Variants in GDPD5 observed in about 807,000 individuals in gnomAD.
GDPD5 encodes glycerophosphodiester phosphodiesterase 2.
A neutral mutation model predicts 75.1 loss-of-function variants in GDPD5; 48 were observed. The observed-to-expected ratio is 0.64, with a 90% CI of 0.51 to 0.81. The LOEUF is 0.81. Ranked by LOEUF, GDPD5 falls within the 40% of genes least tolerant of loss-of-function variation. The pLI is 0.00. For synonymous variants in GDPD5, 336 were observed against 339.0 expected (o/e 0.99, Z 0.10); for missense variants, 706 against 822.6 (o/e 0.86, Z 1.73).
At chr11:75,475,771 C>T (rs1397717446) in intron 3 of GDPD5, among the ~76,000 whole-genome samples, 1 of 152,168 alleles carries the variant, frequency 6.6e-6, no homozygotes, top group Non-Finnish European at 1.5e-5. Flanking sequence ...AAGCCCTATA[C>T]CCTCTCCTAG....
chr11:75,472,106 G>A (rs1196071899), intron 3 of GDPD5, among the ~76,000 whole-genome samples: 1 of 152,154 alleles, frequency 6.6e-6, no homozygotes, highest in Non-Finnish European at 1.5e-5. Flanking sequence ...GTACAAGACA[G>A]GAGGCACATT....
intron 5 of GDPD5, among the ~76,000 whole-genome samples, chr11:75,457,339 C>T (rs780867350): frequency 3.9e-5 from 6 of 152,154 alleles, no homozygotes; most frequent in Admixed American, 6.5e-5. Flanking sequence ...CCTAGAGAGA[C>T]GGGCAAAAGC....
At chr11:75,501,198 C>T (rs569491534) in intron 1 of GDPD5, among the ~76,000 whole-genome samples, 1 of 152,226 alleles carries the variant, frequency 6.6e-6, no homozygotes, top group Non-Finnish European at 1.5e-5. Context: ...AGACCACAGG[C>T]CCCCAGGGGC....
intron 1 of GDPD5, among the ~76,000 whole-genome samples, chr11:75,496,401 AC>A (rs1167518517): frequency 1.3e-5 from 2 of 152,208 alleles, no homozygotes; most frequent in Non-Finnish European, 2.9e-5. Context: ...TGAGCAGGAG[AC>A]TGAGAGCCAG....
At chr11:75,446,883 G>A (rs1046605384) in intron 9 of GDPD5, among the ~76,000 whole-genome samples, 5 of 152,078 alleles carry the variant, frequency 3.3e-5, no homozygotes, top group Non-Finnish European at 5.9e-5. Flanking sequence ...AAAAAGGGAC[G>A]GGGAACTTTT....
chr11:75,461,404 G>GT (rs1249171432), intron 4 of GDPD5, among the ~76,000 whole-genome samples: 1 of 152,226 alleles, frequency 6.6e-6, no homozygotes, highest in Non-Finnish European at 1.5e-5. Context: ...CAGGGCAGGG[G>GT]TGGGACCGCA....
intron 16 of GDPD5, among the ~76,000 whole-genome samples, 180 bp downstream of exon 16, chr11:75,436,756 C>T (rs1402122209): frequency 6.6e-6 from 1 of 152,182 alleles, no homozygotes; most frequent in East Asian, 1.9e-4. Context: ...TGTTTTCACA[C>T]GTGTACTTAT....
In GDPD5 at chr11:75,435,492, C is replaced by A; in HGVS notation, c.*15G>T. On this transcript the variant is annotated 3_prime_UTR_variant, in exon 17 of 17. Transcript: ENST00000336898. ...GCTTCTGTGTCAGGTACAGGTGGGA[C>A]AGACATGTCTTCAGCTAACGCCCAC... 1.3e-6 allele frequency: 2 copies of A among 1,580,696 alleles called. No individual in the cohort carries two copies. Among genetic ancestry groups the A allele is most frequent in the Non-Finnish European group, 1.7e-6 (2 of 1,162,888 alleles).
At chr11:75,479,373 C>A (rs1949852971) in intron 2 of GDPD5, 1 of 152,124 alleles carries the variant, frequency 6.6e-6, no homozygotes, top group African/African-American at 2.4e-5. Context: ...TGTCCGAGGC[C>A]CTGGAGACAA....
At chr11:75,500,219 C>A (rs1047430076) in intron 1 of GDPD5, among the ~76,000 whole-genome samples, 2 of 152,290 alleles carry the variant, frequency 1.3e-5, no homozygotes, top group Middle Eastern at 6.8e-3. Context: ...TCCTTCCAAT[C>A]AGCAGTGAGC....
intron 1 of GDPD5, among the ~76,000 whole-genome samples, chr11:75,498,759 C>G (rs1950255554): frequency 6.6e-6 from 1 of 152,198 alleles, no homozygotes; most frequent in Admixed American, 6.5e-5. Flanking sequence ...GCTGACCACA[C>G]AGCCTGGGAT....
intron 3 of GDPD5, 138 bp from the exon 4 acceptor site, chr11:75,463,027 G>A (rs1175192014): frequency 4.5e-6 from 3 of 669,208 alleles, no homozygotes; most frequent in African/African-American, 1.8e-5. Flanking sequence ...TTTACCCTGG[G>A]AGAAACTGAG....
Position 75,493,229 on chromosome 11 carries a change from T to TCTCACACA in GDPD5, c.-144-2910_-144-2909insTGTGTGAG, listed in dbSNP as rs774632683. Among the ~76,000 whole-genome samples, 509 of 140,998 alleles carry TCTCACACA rather than the reference T, an allele frequency of 3.6e-3. 3 individuals carry two copies. The highest frequency in any genetic ancestry group is 0.013 in the African/African-American group (475 of 37,500). The allele number at this position is 140,998 out of a possible 152,430, so 92.5% of individuals were successfully genotyped here. A position where few individuals can be genotyped will look rare whatever the true frequency, so the allele number is the denominator to read the frequency against. Reference sequence around the variant, plus strand: ...CAGGGAAAAGGGGCCCCCACACATCTCACACACACACACACACACACACAC... The same window carrying TCTCACACA: ...CAGGGAAAAGGGGCCCCCACACATCTCTCACACACACACACACACACACACACACACAC... On this transcript the variant is annotated intron_variant, in intron 1 of 16. Transcript: ENST00000336898.
At chr11:75,503,840 C>T (rs1326591362) in intron 1 of GDPD5, among the ~76,000 whole-genome samples, 1 of 152,216 alleles carries the variant, frequency 6.6e-6, no homozygotes, top group African/African-American at 2.4e-5. Context: ...TACAGATGCT[C>T]ATCTCTTGAG....
At chr11:75,521,525 C>T (rs969608173) in intron 1 of GDPD5, among the ~76,000 whole-genome samples, 2 of 152,188 alleles carry the variant, frequency 1.3e-5, no homozygotes, top group Non-Finnish European at 2.9e-5. Context: ...ACATTTAGCA[C>T]ATTGTCTGGC....
In GDPD5 at chr11:75,441,778, C is replaced by T. The variant is rs1055801408; in HGVS notation, c.1193G>A (p.Arg398Lys). 1.2e-6 allele frequency: 2 copies of T among 1,610,208 alleles called. No individual in the cohort carries two copies. Among genetic ancestry groups the T allele is most frequent in the Non-Finnish European group, 1.7e-6 (2 of 1,179,838 alleles). ...HQVMWLPSRQ[R>K]PLVRKVAPGF... is the part of the protein sequence containing the mutation. ...GGGAGCCACCTTCCGCACCAGGGGC[C>T]TCTGCCTGCTAGGCAGCCACATGAC... The change falls in exon 13 of 17, where the codon AGG becomes AAG. Residue 398 changes from arginine to lysine, a missense_variant. By Grantham distance (26) the Arg-to-Lys change is conservative. Transcript: ENST00000336898.
chr11:75,523,996 C>G (rs1217477468), intron 1 of GDPD5, among the ~76,000 whole-genome samples: 1 of 152,238 alleles, frequency 6.6e-6, no homozygotes, highest in Non-Finnish European at 1.5e-5. Context: ...CCCTCCCCGT[C>G]CCCACACAGA....
At position 75,444,512 on chromosome 11, in the gene GDPD5, G is replaced by A; in HGVS notation, c.715-17C>T. On this transcript the variant is annotated splice_polypyrimidine_tract_variant and intron_variant, in intron 9 of 16. Coordinates refer to ENST00000336898, the MANE Select transcript of GDPD5 (RefSeq NM_030792.8). Reference sequence around the variant, plus strand: ...TGGAGCCAGCTGGGGAAGAAGGGGTGGTGAAGGGAGAGCCAAGATTCAGCT... The same window carrying A: ...TGGAGCCAGCTGGGGAAGAAGGGGTAGTGAAGGGAGAGCCAAGATTCAGCT... 6.3e-7 allele frequency: 1 copy of A among 1,598,468 alleles called. No homozygotes were observed. Among genetic ancestry groups the A allele is most frequent in the Non-Finnish European group, 8.6e-7 (1 of 1,166,336 alleles).
At chr11:75,439,212 G>A (rs1948717229) in intron 15 of GDPD5, 2 of 404,006 alleles carry the variant, frequency 5.0e-6, no homozygotes, top group Non-Finnish European at 5.1e-6. Flanking sequence ...CTTCAGGCGA[G>A]CGCGCTGTCT....
Sources: allele counts gnomAD v4.1 joint callset (sites outside exome capture counted in the v4.1 genomes callset), GRCh38; gene constraint gnomAD v4.1.1; transcripts MANE v1.5; gene names NCBI Gene and HGNC (gene_info 2026-07-23, HGNC 2026-07-21).